Variants in GLB1 observed in about 807,000 individuals in gnomAD.
The protein encoded by GLB1 is beta-galactosidase.
Under a neutral mutation model 74.0 loss-of-function variants are expected in GLB1, and 56 were observed. The observed-to-expected ratio is 0.76, with a 90% CI of 0.61 to 0.94. The LOEUF (loss-of-function observed/expected upper bound fraction) is 0.94, where lower values mean the gene tolerates loss of function less well. Ranked by LOEUF, GLB1 falls within the 40% of genes least tolerant of loss-of-function variation. The pLI is 0.00. For missense variants in GLB1, 787 were observed against 845.5 expected (o/e 0.93, Z 0.86); for synonymous variants, 323 against 323.6 (o/e 1.00, Z 0.02).
the GLB1 span, among the ~76,000 whole-genome samples, chr3:32,980,054 C>T: frequency 2.6e-5 from 4 of 152,046 alleles, no homozygotes; most frequent in Admixed American, 6.6e-5. Context: ...CAACATTTAT[C>T]TTTTTTTAGT....
intron 2 of GLB1, among the ~76,000 whole-genome samples, chr3:33,071,595 T>C (rs1699890574): frequency 2.0e-5 from 3 of 152,146 alleles, no homozygotes; most frequent in African/African-American, 7.2e-5. Context: ...CAGAAAACAA[T>C]ACCCCAAAGT....
At chr3:33,058,324 A>T (rs903403575) in intron 5 of GLB1, 55 bp from the exon 6 acceptor site, 3 of 1,608,558 alleles carry the variant, frequency 1.9e-6, no homozygotes, top group Non-Finnish European at 1.7e-6. Context: ...TAGCCACCCT[A>T]ATGCAAGCTT....
At chr3:33,061,847 T>C (rs1699456292) in intron 5 of GLB1, 1 of 152,204 alleles carries the variant, frequency 6.6e-6, no homozygotes, top group African/African-American at 2.4e-5. Context: ...CAAACCATCA[T>C]AGGTGGCACT....
At chr3:33,044,537 C>A (rs1055213296) in intron 10 of GLB1, among the ~76,000 whole-genome samples, 7 of 151,976 alleles carry the variant, frequency 4.6e-5, no homozygotes, top group African/African-American at 1.7e-4. Flanking sequence ...AACAAACATA[C>A]AAGGGAGAGC....
At chr3:33,085,583 G>A (rs538009520) in intron 1 of GLB1, among the ~76,000 whole-genome samples, 16 of 151,778 alleles carry the variant, frequency 1.1e-4, no homozygotes, top group Non-Finnish European at 1.8e-4. Flanking sequence ...CCCATATAGC[G>A]CCTAAATTGT....
chr3:33,027,362 C>T (rs1697814155), intron 10 of GLB1, among the ~76,000 whole-genome samples: 1 of 152,276 alleles, frequency 6.6e-6, no homozygotes, highest in Non-Finnish European at 1.5e-5. Context: ...TTATGCCTGA[C>T]TTGCCCTTGG....
chr3:33,020,955 A>G (rs1331698988), intron 12 of GLB1, among the ~76,000 whole-genome samples: 2 of 152,212 alleles, frequency 1.3e-5, no homozygotes, highest in Non-Finnish European at 2.9e-5. Context: ...CTAGGTAAAA[A>G]GCATATGGGT....
At position 33,072,571 on chromosome 3, in the gene GLB1, T is replaced by C. The variant is rs776889510; in HGVS notation, c.218A>G (p.Lys73Arg). 5.0e-6 allele frequency: 8 copies of C among 1,613,824 alleles called. No individual in the cohort carries two copies. In the South Asian group the frequency reaches 8.8e-5, roughly 18 times the overall value. The change falls in exon 2 of 16, where the codon AAG (lysine) becomes AGG (arginine). Residue 73 changes from lysine (K) to arginine (R), a missense_variant. Physicochemically the swap from Lys to Arg is conservative, Grantham distance 26. Coordinates refer to ENST00000307363, the MANE Select transcript of GLB1 (RefSeq NM_000404.4). ...CTGGATGGCGTTCAGCCCAGCCATC[T>C]TCATCTTCAGCAGCCGGTCCTTCCA... ...FYWKDRLLKM[K>R]MAGLNAIQTY...
intron 9 of GLB1, among the ~76,000 whole-genome samples, chr3:33,049,615 AC>A (rs1182326638): frequency 6.6e-6 from 1 of 152,012 alleles, no homozygotes; most frequent in Non-Finnish European, 1.5e-5. Context: ...ACAAGGTTTC[AC>A]CATGTTGGCC....
At chr3:32,975,910 T>C in the GLB1 span, among the ~76,000 whole-genome samples, 5 of 152,352 alleles carry the variant, frequency 3.3e-5, no homozygotes, top group South Asian at 6.2e-4. Context: ...TCCTGCCCAA[T>C]AGTGTTAGGA....
intron 15 of GLB1, among the ~76,000 whole-genome samples, chr3:33,003,081 C>T (rs62250893): frequency 0.067 from 10,139 of 152,258 alleles, 388 homozygotes; most frequent in Non-Finnish European, 0.086. Flanking sequence ...CTGCAGCTGA[C>T]GCAAATCACA....
At chr3:33,036,524 C>A (rs1698283850) in intron 10 of GLB1, among the ~76,000 whole-genome samples, 1 of 151,776 alleles carries the variant, frequency 6.6e-6, no homozygotes, top group Non-Finnish European at 1.5e-5. Context: ...TAGGTATGTC[C>A]CTAGAGGAAT....
At chr3:33,014,352 GA>G (rs1697156068) in intron 14 of GLB1, 42 bp from the exon 15 acceptor site, 2 of 1,605,654 alleles carry the variant, frequency 1.2e-6, no homozygotes, top group East Asian at 2.2e-5. Context: ...GGGAGGGAAG[GA>G]AAAAGGCTTC....
At chr3:33,076,291 G>A (rs1033014717) in intron 1 of GLB1, among the ~76,000 whole-genome samples, 1 of 152,202 alleles carries the variant, frequency 6.6e-6, no homozygotes. Flanking sequence ...TACAGGCCAG[G>A]AGCCACAGAG....
chr3:33,017,135 AG>A (rs1697266202), intron 13 of GLB1, among the ~76,000 whole-genome samples: 1 of 152,172 alleles, frequency 6.6e-6, no homozygotes, highest in African/African-American at 2.4e-5. Flanking sequence ...GGAAAATTCC[AG>A]GGGAGGATTC....
At chr3:33,096,940 G>A in intron 1 of GLB1, 71 bp downstream of exon 1, 2 of 1,563,590 alleles carry the variant, frequency 1.3e-6, no homozygotes, top group South Asian at 1.2e-5. Flanking sequence ...GGGTGGCTGC[G>A]ACCCCAGCCC....
chr3:33,052,630 A>AAAAT (rs1395542170), intron 7 of GLB1: 3 of 153,418 alleles, frequency 2.0e-5, no homozygotes, highest in East Asian at 3.9e-4. Flanking sequence ...ACTCCATTTA[A>AAAAT]AAATAAATAA....
At chr3:32,983,167 A>T in the GLB1 span, among the ~76,000 whole-genome samples, 1 of 152,142 alleles carries the variant, frequency 6.6e-6, no homozygotes, top group Non-Finnish European at 1.5e-5. Context: ...GAAAATCCTC[A>T]TCCATTATTT....
At chr3:33,081,048 G>A (rs867688524) in intron 1 of GLB1, among the ~76,000 whole-genome samples, 11 of 152,328 alleles carry the variant, frequency 7.2e-5, no homozygotes, top group Middle Eastern at 3.4e-3. Flanking sequence ...CCCCTGGAGC[G>A]GGGCAGAGGT....
Sources: gnomAD v4.1 joint callset for allele counts (sites outside exome capture counted in the v4.1 genomes callset) on GRCh38, gnomAD v4.1.1 for gene constraint, MANE v1.5 for transcripts, NCBI Gene and HGNC (gene_info 2026-07-23, HGNC 2026-07-21) for gene names.